RCBTB1: variants seen among roughly 807,000 people sequenced by gnomAD.
RCBTB1 encodes RCC1 and BTB domain containing protein 1, also known as RCC1 and BTB domain-containing protein 1.
RCBTB1 carries 46 observed loss-of-function variants against 62.4 expected under a neutral mutation model. That is an observed-to-expected ratio of 0.74 (90% confidence interval 0.58 to 0.94). The LOEUF (loss-of-function observed/expected upper bound fraction) is 0.94, where lower values mean the gene tolerates loss of function less well. Among genes scored for constraint, RCBTB1 ranks in the 40% least tolerant of loss-of-function variants. The pLI, the probability that RCBTB1 is intolerant of heterozygous loss-of-function variation, is 0.00. For missense variants in RCBTB1, 565 were observed against 654.9 expected, an observed-to-expected ratio of 0.86 and a Z score of 1.50; for synonymous variants, 222 against 245.8, an observed-to-expected ratio of 0.90 and a Z score of 0.91.
intron 2 of RCBTB1, among the ~76,000 whole-genome samples, chr13:49,569,199 T>C (rs917041099): frequency 2.0e-5 from 3 of 152,224 alleles, no homozygotes; most frequent in African/African-American, 7.2e-5. Flanking sequence ...TATCTTTTTC[T>C]ACTGGATCAT....
rs1327705025 is a variant in RCBTB1, at chr13:49,567,332, G to GA, written c.-41-13dup. 4 of 1,575,918 alleles carry GA rather than the reference G, an allele frequency of 2.5e-6. No homozygotes were observed. The African/African-American group carries it at 5.5e-5, about 21-fold the overall frequency. On this transcript the variant is annotated splice_polypyrimidine_tract_variant and intron_variant, in intron 2 of 12. Coordinates refer to ENST00000378302, the MANE Select transcript of RCBTB1 (RefSeq NM_018191.4). ...ATAAGCCGACATCTCTGCTGGAACA[G>GA]AAAGGATTCCAGAAAAAAATTAAAT... is the stretch of plus-strand genomic sequence containing the variant.
intron 4 of RCBTB1, among the ~76,000 whole-genome samples, chr13:49,561,503 G>A (rs1053914815): frequency 3.9e-5 from 6 of 152,136 alleles, no homozygotes; most frequent in Non-Finnish European, 7.3e-5. Context: ...TAAAAGCTAC[G>A]GCAGGTGAAA....
chr13:49,582,901 G>C (rs775567684), intron 1 of RCBTB1, among the ~76,000 whole-genome samples: 1 of 152,188 alleles, frequency 6.6e-6, no homozygotes, highest in Non-Finnish European at 1.5e-5. Context: ...TGGAGGCCGG[G>C]TGTGGTTGCT....
At chr13:49,579,228 G>C (rs1391669522) in intron 2 of RCBTB1, among the ~76,000 whole-genome samples, 1 of 152,146 alleles carries the variant, frequency 6.6e-6, no homozygotes, top group East Asian at 1.9e-4. Flanking sequence ...GCAAATCACA[G>C]GCAAAGTTTC....
intron 2 of RCBTB1, among the ~76,000 whole-genome samples, chr13:49,579,239 G>T (rs934240828): frequency 6.6e-6 from 1 of 152,134 alleles, no homozygotes; most frequent in Non-Finnish European, 1.5e-5. Context: ...GCAAAGTTTC[G>T]AAGATGTGCT....
At chr13:49,566,872 A>G in intron 3 of RCBTB1, 104 bp from the exon 4 acceptor site, 1 of 1,094,516 alleles carries the variant, frequency 9.1e-7, no homozygotes, top group South Asian at 1.7e-5. Context: ...AGAGCTCAGG[A>G]GGTGAAAAGA....
chr13:49,550,645 C>T (rs936019375), intron 8 of RCBTB1, among the ~76,000 whole-genome samples: 3 of 152,196 alleles, frequency 2.0e-5, no homozygotes, highest in Admixed American at 6.5e-5. Flanking sequence ...TAAACATCAA[C>T]ATGGCCATAG....
intron 4 of RCBTB1, among the ~76,000 whole-genome samples, chr13:49,564,687 C>T (rs1328733324): frequency 6.0e-5 from 9 of 150,194 alleles, no homozygotes; most frequent in South Asian, 2.1e-4. Context: ...GTCAGGAGAT[C>T]GAGACCATCC....
chr13:49,557,870 C>T (rs1962070891), intron 5 of RCBTB1, among the ~76,000 whole-genome samples: 1 of 152,112 alleles, frequency 6.6e-6, no homozygotes, highest in Non-Finnish European at 1.5e-5. Context: ...AGGTTTTTAG[C>T]TACATGCACA....
chr13:49,548,162 C>T (rs552685931), intron 9 of RCBTB1, among the ~76,000 whole-genome samples: 43 of 152,062 alleles, frequency 2.8e-4, no homozygotes, highest in Admixed American at 1.8e-3. Flanking sequence ...GAGGCTGAGG[C>T]GGGCGGATCA....
At chr13:49,561,312 C>T (rs76981568) in intron 4 of RCBTB1, among the ~76,000 whole-genome samples, 2,505 of 152,264 alleles carry the variant, frequency 0.016, 64 homozygotes, top group African/African-American at 0.056. Context: ...TACTGTAGAA[C>T]GAAGACAGCC....
At chr13:49,584,022 C>G in intron 1 of RCBTB1, among the ~76,000 whole-genome samples, 1 of 152,210 alleles carries the variant, frequency 6.6e-6, no homozygotes, top group East Asian at 1.9e-4. Context: ...TCCTCACTTT[C>G]CTTCACAGTT....
intron 4 of RCBTB1, among the ~76,000 whole-genome samples, chr13:49,563,929 C>T (rs1445141523): frequency 2.6e-5 from 4 of 152,100 alleles, no homozygotes; most frequent in African/African-American, 7.2e-5. Context: ...AAAGAAAGGC[C>T]GGGATGCAAA....
chr13:49,555,377 A>C (rs1180473239), intron 6 of RCBTB1, 138 bp downstream of exon 6: 3 of 719,852 alleles, frequency 4.2e-6, no homozygotes, highest in Non-Finnish European at 7.1e-6. Flanking sequence ...CTCCTCAGTC[A>C]GTAATCAGTT....
rs537350698 is a variant in RCBTB1 at position 49,549,350 on chromosome 13, T to C, written c.1045+108A>G. On this transcript the variant is annotated intron_variant, in intron 9 of 12. Coordinates refer to ENST00000378302, the MANE Select transcript of RCBTB1 (RefSeq NM_018191.4). ...TTTTGACGGAACGTATGAAAGCTAA[T>C]AGAGAATAAAACATTCTGAGAGATC... is the stretch of plus-strand genomic sequence containing the variant. 690 of 1,032,180 alleles carry C rather than the reference T, an allele frequency of 6.7e-4. 9 individuals carry two copies. The South Asian group carries it at 0.011, about 17-fold the overall frequency. The allele number at this position is 1,032,180 out of a possible 1,614,324, so 63.9% of individuals were successfully genotyped here.
At chr13:49,569,763 C>G (rs1013574649) in intron 2 of RCBTB1, among the ~76,000 whole-genome samples, 5 of 150,790 alleles carry the variant, frequency 3.3e-5, no homozygotes, top group Admixed American at 2.6e-4. Flanking sequence ...AATTATTAGC[C>G]AGGCATGGTG....
chr13:49,559,906 C>T lies in RCBTB1; in HGVS notation c.444+12G>A, dbSNP rs751852190. 1.9e-6 allele frequency: 3 copies of T among 1,594,864 alleles called. No homozygotes were observed. The highest frequency in any genetic ancestry group is 2.6e-6 in the Non-Finnish European group (3 of 1,174,058). ...AAAAAAAAAGAATAAAGAATAAAAG[C>T]AGCATACTTACCTCTCCATCAGCTG... On this transcript the variant is annotated intron_variant, in intron 5 of 12. Coordinates refer to ENST00000378302, the MANE Select transcript of RCBTB1 (RefSeq NM_018191.4).
rs1959729709 is a variant in RCBTB1 at position 49,533,915 on chromosome 13, T to C, written c.*207A>G. On this transcript the variant is annotated 3_prime_UTR_variant, in exon 13 of 13. Coordinates refer to ENST00000378302, the MANE Select transcript of RCBTB1 (RefSeq NM_018191.4). ...CGAAAGGTCACATTTAAAATACACT[T>C]ATCTGGAAACAAGGGTTGTTTAAAA... is the stretch of plus-strand genomic sequence containing the variant. 1.5e-5 allele frequency: 7 copies of C among 457,686 alleles called. No individual in the cohort carries two copies. In the East Asian group the frequency reaches 2.3e-4, roughly 15 times the overall value. The allele number at this position is 457,686 out of a possible 1,614,324, so 28.4% of individuals were successfully genotyped here. A position where few individuals can be genotyped will look rare whatever the true frequency, so the allele number is the denominator to read the frequency against.
intron 9 of RCBTB1, among the ~76,000 whole-genome samples, chr13:49,545,752 G>A (rs1960739019): frequency 6.6e-6 from 1 of 152,210 alleles, no homozygotes; most frequent in Non-Finnish European, 1.5e-5. Flanking sequence ...CCACAGCTGA[G>A]TTAATAATCA....
Sources: allele counts gnomAD v4.1 joint callset (sites outside exome capture counted in the v4.1 genomes callset), GRCh38; gene constraint gnomAD v4.1.1; transcripts MANE v1.5; gene names NCBI Gene and HGNC (gene_info 2026-07-23, HGNC 2026-07-21).